DCLK1: variants seen among roughly 807,000 people sequenced by gnomAD.
The protein encoded by DCLK1 is doublecortin like kinase 1.
A neutral mutation model predicts 86.2 loss-of-function variants in DCLK1; 16 were observed. The ratio of observed to expected loss-of-function variants is 0.19; its 90% confidence interval spans 0.13 to 0.28. The LOEUF is 0.28. Ranked by LOEUF, DCLK1 falls within the 10% of genes least tolerant of loss-of-function variation. The pLI, the probability that DCLK1 is intolerant of heterozygous loss-of-function variation, is 1.00. For missense variants in DCLK1, 590 were observed against 940.2 expected, an observed-to-expected ratio of 0.63 and a Z score of 4.87; for synonymous variants, 369 against 370.5, an observed-to-expected ratio of 1.00 and a Z score of 0.05.
rs551017736 is a variant in DCLK1 at position 36,041,609 on chromosome 13, A to T, written c.723+70260T>A. 5.3e-5 allele frequency among the ~76,000 whole-genome samples: 8 copies of T among 152,320 alleles called. No individual in the cohort carries two copies. In the South Asian group the frequency reaches 1.7e-3, roughly 32 times the overall value. On this transcript the variant is annotated intron_variant, in intron 3 of 16. Transcript: ENST00000360631. ...TAAAAAGAAAAAGGAAGCTGAATAT[A>T]TTAACCTGCTTCATTGTATTCTAAA...
At chr13:35,997,489 T>C (rs1880524383) in intron 3 of DCLK1, among the ~76,000 whole-genome samples, 1 of 152,240 alleles carries the variant, frequency 6.6e-6, no homozygotes, top group Non-Finnish European at 1.5e-5. Context: ...GTTAATTTCA[T>C]TCTGACAATG....
At position 35,846,213 on chromosome 13, in the gene DCLK1, G is replaced by A. The variant is rs889813796; in HGVS notation, c.1036-7037C>T. ...AATCAACTGAAACTGTGAGCAGAAA[G>A]TATGTAACCTCTTTATAAAAACGTT... On this transcript the variant is annotated intron_variant, in intron 6 of 16. Coordinates refer to ENST00000360631, the MANE Select transcript of DCLK1 (RefSeq NM_001330071.2). 3.0e-6 allele frequency: 3 copies of A among 985,180 alleles called. No homozygotes were observed. The African/African-American group carries it at 5.2e-5, about 17-fold the overall frequency. The allele number at this position is 985,180 out of a possible 1,614,324, so 61.0% of individuals were successfully genotyped here. A position where few individuals can be genotyped will look rare whatever the true frequency, so the allele number is the denominator to read the frequency against.
At chr13:35,809,996 GGGCT>G (rs910236748) in intron 12 of DCLK1, among the ~76,000 whole-genome samples, 2 of 152,098 alleles carry the variant, frequency 1.3e-5, no homozygotes, top group African/African-American at 4.8e-5. Context: ...AGAAAAAGTA[GGGCT>G]GCCTCCCCTC....
intron 3 of DCLK1, among the ~76,000 whole-genome samples, chr13:35,982,103 T>C (rs1879672147): frequency 6.6e-6 from 1 of 152,160 alleles, no homozygotes; most frequent in Non-Finnish European, 1.5e-5. Context: ...CTGATGGTTA[T>C]AGAAATGCAT....
At chr13:35,855,612 C>T (rs746992776) in intron 5 of DCLK1, 16 of 1,545,020 alleles carry the variant, frequency 1.0e-5, no homozygotes, top group East Asian at 2.4e-5. Context: ...AAATGGGAAT[C>T]GGTTGGATGA....
intron 4 of DCLK1, among the ~76,000 whole-genome samples, chr13:35,910,406 T>C (rs999752335): frequency 1.3e-5 from 2 of 152,234 alleles, no homozygotes; most frequent in African/African-American, 4.8e-5. Flanking sequence ...TCCAATCTTT[T>C]GTTGGGTCAA....
chr13:35,805,305 C>CT (rs999280758), intron 15 of DCLK1: 331 of 167,906 alleles, frequency 2.0e-3, no homozygotes, highest in East Asian at 4.3e-3. Flanking sequence ...ACACTTTTTT[C>CT]TTTTTTTTTT....
At chr13:35,864,066 G>A (rs75887504) in intron 5 of DCLK1, among the ~76,000 whole-genome samples, 35 of 152,160 alleles carry the variant, frequency 2.3e-4, no homozygotes, top group East Asian at 3.9e-4. Flanking sequence ...CAACGTTGCC[G>A]GTCCACTATA....
intron 3 of DCLK1, among the ~76,000 whole-genome samples, chr13:35,981,144 C>A (rs1029498409): frequency 6.6e-6 from 1 of 151,868 alleles, no homozygotes; most frequent in African/African-American, 2.4e-5. Context: ...TTTCATTAAT[C>A]AAAAGAGTGC....
intron 3 of DCLK1, among the ~76,000 whole-genome samples, chr13:36,063,314 C>T (rs911895608): frequency 6.6e-6 from 1 of 152,094 alleles, no homozygotes; most frequent in Non-Finnish European, 1.5e-5. Context: ...AGGGATATTA[C>T]AAGCGATGAA....
intron 6 of DCLK1, chr13:35,846,730 C>A (rs560505222): frequency 1.0e-6 from 1 of 985,236 alleles, no homozygotes; most frequent in South Asian, 4.7e-5. Flanking sequence ...CTAACATGCA[C>A]AAATAGAGAT....
intron 16 of DCLK1, among the ~76,000 whole-genome samples, chr13:35,787,014 CTA>C (rs1017599175): frequency 1.3e-5 from 2 of 151,494 alleles, no homozygotes; most frequent in Admixed American, 6.6e-5. Context: ...TTCCTATGTA[CTA>C]TGTTTTGAGT....
chr13:35,842,098 G>A (rs1277432211), intron 6 of DCLK1, among the ~76,000 whole-genome samples: 1 of 151,688 alleles, frequency 6.6e-6, no homozygotes, highest in Admixed American at 6.6e-5. Context: ...GCATGGTGGC[G>A]GGTGTCTGTA....
intron 3 of DCLK1, among the ~76,000 whole-genome samples, chr13:36,103,988 G>C (rs1885307376): frequency 6.6e-6 from 1 of 152,234 alleles, no homozygotes; most frequent in Admixed American, 6.5e-5. Context: ...CCCACAAAAT[G>C]AAAGTGCTTT....
chr13:35,835,943 G>A, intron 8 of DCLK1, 90 bp downstream of exon 8: 1 of 980,926 alleles, frequency 1.0e-6, no homozygotes, highest in Non-Finnish European at 1.5e-6. Context: ...TATTCCATAT[G>A]TGCCACAGAC....
At chr13:35,872,011 T>G (rs1182829290) in intron 4 of DCLK1, among the ~76,000 whole-genome samples, 1 of 152,248 alleles carries the variant, frequency 6.6e-6, no homozygotes, top group Non-Finnish European at 1.5e-5. Context: ...TTCATTAGAT[T>G]TAAATTCTCA....
At chr13:35,832,683 T>TA (rs1175589735) in intron 8 of DCLK1, among the ~76,000 whole-genome samples, 3 of 152,198 alleles carry the variant, frequency 2.0e-5, no homozygotes, top group Non-Finnish European at 4.4e-5. Context: ...GTTTACCAAG[T>TA]AATCCTAACA....
chr13:35,829,426 A>G (rs1868767332), intron 8 of DCLK1, among the ~76,000 whole-genome samples: 1 of 152,192 alleles, frequency 6.6e-6, no homozygotes, highest in Admixed American at 6.5e-5. Context: ...TGTGGATCCA[A>G]TGGACACAAA....
At chr13:35,851,005 A>G (rs1870587419) in intron 6 of DCLK1, among the ~76,000 whole-genome samples, 1 of 152,182 alleles carries the variant, frequency 6.6e-6, no homozygotes, top group Non-Finnish European at 1.5e-5. Context: ...TCTACTCATA[A>G]TCTTTTGCCT....
Sources: gnomAD v4.1 joint callset for allele counts (sites outside exome capture counted in the v4.1 genomes callset) on GRCh38, gnomAD v4.1.1 for gene constraint, MANE v1.5 for transcripts, NCBI Gene and HGNC (gene_info 2026-07-23, HGNC 2026-07-21) for gene names.